RIMS1: variants seen among roughly 807,000 people sequenced by gnomAD.
RIMS1 encodes regulating synaptic membrane exocytosis 1.
Under a neutral mutation model 214.1 loss-of-function variants are expected in RIMS1, and 83 were observed. That is an observed-to-expected ratio of 0.39 (90% CI 0.32 to 0.47). RIMS1 has a LOEUF of 0.47. Among genes scored for constraint, RIMS1 ranks in the 20% least tolerant of loss-of-function variants. The pLI, the probability that RIMS1 is intolerant of heterozygous loss-of-function variation, is 0.99. For missense variants in RIMS1, 2,050 were observed against 2,161.8 expected, an observed-to-expected ratio of 0.95 and a Z score of 1.03; for synonymous variants, 793 against 786.8, an observed-to-expected ratio of 1.01 and a Z score of -0.13.
At chr6:71,978,974 G>A (rs1368723605) in intron 2 of RIMS1, among the ~76,000 whole-genome samples, 2 of 152,100 alleles carry the variant, frequency 1.3e-5, no homozygotes, top group Non-Finnish European at 2.9e-5. Context: ...TTAAAAAATT[G>A]TGTGGCTTTT....
intron 6 of RIMS1, among the ~76,000 whole-genome samples, chr6:72,232,676 A>G (rs1388118512): frequency 2.0e-5 from 3 of 151,832 alleles, no homozygotes; most frequent in African/African-American, 7.2e-5. Flanking sequence ...TAGTACCTGT[A>G]TAAATAACGT....
intron 1 of RIMS1, among the ~76,000 whole-genome samples, chr6:71,918,929 G>T (rs1779204733): frequency 6.6e-6 from 1 of 152,110 alleles, no homozygotes; most frequent in Non-Finnish European, 1.5e-5. Context: ...AAGAGAGAAG[G>T]CTGTAGTCAG....
chr6:72,071,509 A>G (rs1830580541), intron 2 of RIMS1, among the ~76,000 whole-genome samples: 1 of 152,198 alleles, frequency 6.6e-6, no homozygotes, highest in African/African-American at 2.4e-5. Flanking sequence ...AGATCTAGCA[A>G]GATAAAATTC....
At chr6:72,178,101 C>T (rs2047955735) in intron 4 of RIMS1, among the ~76,000 whole-genome samples, 1 of 152,120 alleles carries the variant, frequency 6.6e-6, no homozygotes, top group Non-Finnish European at 1.5e-5. Context: ...GAACCTAGTA[C>T]ACTTCATTTT....
intron 2 of RIMS1, among the ~76,000 whole-genome samples, chr6:71,983,328 C>T (rs533944271): frequency 8.5e-5 from 13 of 152,174 alleles, no homozygotes; most frequent in African/African-American, 3.1e-4. Flanking sequence ...CAAGAGCGTG[C>T]TTATGCTCTC....
At chr6:72,302,767 G>A (rs956873189) in intron 26 of RIMS1, among the ~76,000 whole-genome samples, 1 of 151,400 alleles carries the variant, frequency 6.6e-6, no homozygotes, top group Admixed American at 6.6e-5. Context: ...GTGTTATTGT[G>A]TGTCAACTTT....
chr6:72,001,047 C>A (rs1373325593), intron 2 of RIMS1, among the ~76,000 whole-genome samples: 1 of 152,094 alleles, frequency 6.6e-6, no homozygotes, highest in African/African-American at 2.4e-5. Flanking sequence ...AATTCATATT[C>A]TCTGCTTCTA....
intron 29 of RIMS1, among the ~76,000 whole-genome samples, chr6:72,348,239 C>G (rs1349338725): frequency 6.6e-6 from 1 of 151,774 alleles, no homozygotes; most frequent in Non-Finnish European, 1.5e-5. Context: ...TTCGCAGGCC[C>G]GCTTATACAC....
intron 8 of RIMS1, among the ~76,000 whole-genome samples, 196 bp downstream of exon 8, chr6:72,235,924 A>AT (rs1393230500): frequency 2.0e-5 from 3 of 152,020 alleles, no homozygotes; most frequent in Non-Finnish European, 4.4e-5. Context: ...GTTCAGGATG[A>AT]TTTTTTGCAT....
In RIMS1 at chr6:72,292,038, T is replaced by C. The variant is rs2093466531; in HGVS notation, c.3842T>C (p.Ile1281Thr). 6.4e-7 allele frequency: 1 copy of C among 1,550,808 alleles called. No individual in the cohort carries two copies. The highest frequency in any genetic ancestry group is 8.7e-7 in the Non-Finnish European group (1 of 1,145,456). ...LPQVPVRSGSIEQASLVVEER... is the reference protein window; with the variant it reads ...LPQVPVRSGSTEQASLVVEER... The stretch of plus-strand genomic sequence containing the variant: ...CAAGTGCCAGTGAGAAGCGGCAGTA[T>C]AGAACAAGGTATCCGATAAAGAGAG... Residue 1281 changes from isoleucine (I) to threonine (T), a missense_variant, in exon 26 of 34, where the codon ATA becomes ACA. Ile to Thr is a moderately conservative substitution (Grantham distance 89). Transcript: ENST00000521978.
At chr6:72,033,457 G>A (rs755548860) in intron 2 of RIMS1, among the ~76,000 whole-genome samples, 1 of 152,064 alleles carries the variant, frequency 6.6e-6, no homozygotes, top group Non-Finnish European at 1.5e-5. Flanking sequence ...ACAAATTTCA[G>A]TGGTCATCTC....
At chr6:72,356,413 A>G (rs998576821) in intron 29 of RIMS1, among the ~76,000 whole-genome samples, 2 of 152,190 alleles carry the variant, frequency 1.3e-5, no homozygotes, top group Admixed American at 6.5e-5. Context: ...CATAGCCTCA[A>G]ACAGCAGCTA....
At chr6:72,287,839 G>T (rs1478299024) in intron 24 of RIMS1, among the ~76,000 whole-genome samples, 1 of 152,048 alleles carries the variant, frequency 6.6e-6, no homozygotes, top group Non-Finnish European at 1.5e-5. Context: ...TGATCCACCC[G>T]CCTCAGCCTC....
At chr6:72,357,191 C>T (rs547981053) in intron 29 of RIMS1, among the ~76,000 whole-genome samples, 7 of 152,286 alleles carry the variant, frequency 4.6e-5, no homozygotes, top group Non-Finnish European at 8.8e-5. Flanking sequence ...GAAAATATTT[C>T]CCATTAACCT....
At chr6:72,212,869 A>G in intron 6 of RIMS1, 1 of 1,161,076 alleles carries the variant, frequency 8.6e-7, no homozygotes. Flanking sequence ...ACAGTATTTT[A>G]TCCAAGCAGT....
intron 1 of RIMS1, among the ~76,000 whole-genome samples, chr6:71,902,751 C>A (rs994673028): frequency 2.2e-4 from 33 of 152,166 alleles, no homozygotes; most frequent in African/African-American, 8.0e-4. Flanking sequence ...TTGTTCAGCT[C>A]CCACTTATAA....
intron 6 of RIMS1, among the ~76,000 whole-genome samples, chr6:72,197,771 A>G (rs2051237320): frequency 6.6e-6 from 1 of 152,112 alleles, no homozygotes; most frequent in Admixed American, 6.6e-5. Context: ...TTTTGAAACT[A>G]CAAAGAGGCA....
intron 30 of RIMS1, 21 bp from the exon 31 acceptor site, chr6:72,392,677 T>C: frequency 1.3e-6 from 2 of 1,547,360 alleles, no homozygotes; most frequent in Non-Finnish European, 1.8e-6. Flanking sequence ...TTTCCTTTGG[T>C]TTTTATCCTT....
At chr6:72,049,801 G>T (rs936627737) in intron 2 of RIMS1, among the ~76,000 whole-genome samples, 1 of 152,014 alleles carries the variant, frequency 6.6e-6, no homozygotes, top group African/African-American at 2.4e-5. Flanking sequence ...ATTGATCCTT[G>T]CTATCTATTT....
Sources: gnomAD v4.1 joint callset for allele counts (sites outside exome capture counted in the v4.1 genomes callset) on GRCh38, gnomAD v4.1.1 for gene constraint, MANE v1.5 for transcripts, NCBI Gene and HGNC (gene_info 2026-07-23, HGNC 2026-07-21) for gene names.